Variants in CADM4 observed in about 807,000 individuals in gnomAD.
CADM4 encodes TSLC1-like 2.
Under a neutral mutation model 43.9 loss-of-function variants are expected in CADM4, and 13 were observed. The observed-to-expected ratio is 0.30, with a 90% CI of 0.19 to 0.47. The LOEUF (loss-of-function observed/expected upper bound fraction) is 0.47, where lower values mean the gene tolerates loss of function less well. Among genes scored for constraint, CADM4 ranks in the 20% least tolerant of loss-of-function variants. The probability of loss-of-function intolerance (pLI) is 1.00; values close to 1 mark genes in which losing one functional copy is unlikely to be tolerated. For synonymous variants in CADM4, 209 were observed against 220.9 expected (o/e 0.95, Z 0.48); for missense variants, 420 against 527.0 (o/e 0.80, Z 1.99).
chr19:43,638,824 G>A (rs749046315), intron 1 of CADM4, among the ~76,000 whole-genome samples: 10 of 152,230 alleles, frequency 6.6e-5, no homozygotes, highest in Non-Finnish European at 8.8e-5. Context: ...GCACACAGAT[G>A]TTCCCCTCCA....
rs1973667320 is a variant in CADM4, at chr19:43,634,080, T to C, written c.64+5647A>G. ...CCTAGGTTGATCCCAGCTCAACCAC[T>C]TGCCATCTGTGTGACCTGTGGGCAA... On this transcript the variant is annotated intron_variant, in intron 1 of 8. Transcript: ENST00000222374. Among the ~76,000 whole-genome samples the C allele has an allele frequency of 1.3e-5, 2 of 152,126 alleles. 1 individual carries two copies. Among genetic ancestry groups the C allele is most frequent in the South Asian group, 4.1e-4 (2 of 4,832 alleles).
Position 43,622,850 on chromosome 19 carries a change from TC to T in CADM4, c.*479del, listed in dbSNP as rs1973459814. On this transcript the variant is annotated 3_prime_UTR_variant, in exon 9 of 9. Transcript: ENST00000222374. ...TATTTCCACGCCCTCCCCCCACCCATCCCCCCACCGTGCAAACATGGCTTTG... is the reference window on the plus strand; with the variant it reads ...TATTTCCACGCCCTCCCCCCACCCATCCCCCACCGTGCAAACATGGCTTTG... 2.4e-5 allele frequency: 1 copy of T among 41,972 alleles called. No individual in the cohort carries two copies. The highest frequency in any genetic ancestry group is 9.3e-4 in the South Asian group (1 of 1,076). The allele number at this position is 41,972 out of a possible 1,614,324, so 2.6% of individuals were successfully genotyped here.
intron 1 of CADM4, among the ~76,000 whole-genome samples, chr19:43,628,017 C>T (rs1233279706): frequency 1.3e-5 from 2 of 152,112 alleles, no homozygotes; most frequent in Non-Finnish European, 2.9e-5. Context: ...CTAATGAGGG[C>T]AGCACAGGGC....
Position 43,625,043 on chromosome 19 carries a change from G to T in CADM4, c.928+35C>A, listed in dbSNP as rs750668926. 1 of 186,586 alleles carries T rather than the reference G, an allele frequency of 5.4e-6. No individual in the cohort carries two copies. The highest frequency in any genetic ancestry group is 7.9e-6 in the Non-Finnish European group (1 of 126,648). 11.6% of individuals were successfully genotyped at this position (186,586 alleles called of 1,614,324 possible). ...CCCCGCCCCCGCCACCTGGCGCCCCGCCCCCGCCCTCAGTCGGCCGCAGCC... is the reference window on the plus strand; with the variant it reads ...CCCCGCCCCCGCCACCTGGCGCCCCTCCCCCGCCCTCAGTCGGCCGCAGCC... On this transcript the variant is annotated intron_variant, in intron 7 of 8. Transcript: ENST00000222374. This position sits in a 1 kb window ranked among gnomAD's most constrained non-coding sequence, Gnocchi z 4.5.
rs1475815796 is a variant in CADM4 at position 43,627,509 on chromosome 19, G to T, written c.211+135C>A. The T allele has an allele frequency of 2.4e-6, 3 of 1,234,518 alleles. No homozygotes were observed. Among genetic ancestry groups the T allele is most frequent in the African/African-American group, 3.0e-5 (2 of 65,630 alleles). The allele number at this position is 1,234,518 out of a possible 1,614,324, so 76.5% of individuals were successfully genotyped here. A position where few individuals can be genotyped will look rare whatever the true frequency, so the allele number is the denominator to read the frequency against. ...AGTCCTCCTGCCTGCAGGACCAGCA[G>T]TCCGGGACCCCAGCCCTTTCTTCTC... On this transcript the variant is annotated intron_variant, in intron 2 of 8. Transcript: ENST00000222374. The surrounding 1 kb of genome is among the most constrained non-coding windows in gnomAD (Gnocchi z 4.0).
intron 1 of CADM4, among the ~76,000 whole-genome samples, chr19:43,630,207 C>A (rs1329216269): frequency 6.6e-6 from 1 of 150,552 alleles, no homozygotes; most frequent in African/African-American, 2.4e-5. Context: ...GCCCGGCCTG[C>A]GCTATTATTA....
At position 43,624,961 on chromosome 19, in the gene CADM4, A is replaced by G. The variant is rs1478528059; in HGVS notation, c.928+117T>C. On this transcript the variant is annotated intron_variant, in intron 7 of 8. Coordinates refer to ENST00000222374, the MANE Select transcript of CADM4 (RefSeq NM_145296.2). ...CCCCGCGGGCCAGTCTGGTCCCAAA[A>G]CAAAAAGAACTCTGTTGGCTGCCGA... The G allele has an allele frequency of 5.0e-6, 6 of 1,197,468 alleles. No homozygotes were observed. In the Admixed American group the frequency reaches 1.7e-4, roughly 35 times the overall value. The allele number at this position is 1,197,468 out of a possible 1,614,324, so 74.2% of individuals were successfully genotyped here.
intron 1 of CADM4, among the ~76,000 whole-genome samples, chr19:43,629,950 T>A (rs1445900884): frequency 2.6e-5 from 4 of 151,168 alleles, no homozygotes; most frequent in African/African-American, 9.8e-5. Flanking sequence ...TGAGACAAGG[T>A]CAGGCTGGAG....
chr19:43,641,000 G>T (rs529397764), upstream of CADM4, among the ~76,000 whole-genome samples: 4 of 113,214 alleles, frequency 3.5e-5, no homozygotes, highest in African/African-American at 1.4e-4. Flanking sequence ...ACGGAGTCTC[G>T]CTCTGTTGCC....
chr19:43,624,663 G>C (rs1243393260), intron 7 of CADM4, among the ~76,000 whole-genome samples: 1 of 152,094 alleles, frequency 6.6e-6, no homozygotes, highest in Non-Finnish European at 1.5e-5. Flanking sequence ...CCAAGAAACA[G>C]GTCCAAGTCC....
Position 43,626,166 on chromosome 19 carries a change from A to C in CADM4, c.622T>G (p.Ser208Ala). The change falls in exon 5 of 9, where the codon TCC becomes GCC. Residue 208 changes from serine to alanine, a missense_variant. Ser to Ala is a moderately conservative substitution (Grantham distance 99). Transcript: ENST00000222374. This position sits in a 1 kb window ranked among gnomAD's most constrained non-coding sequence, Gnocchi z 5.9. ...TACTGCGTCTGCTTGCTGTGTCCGG[A>C]GGGCAGCGCCTGGTTCTGCGCCTCA... ...ICEAQNQALP[S>A]GHSKQTQYVL... is the part of the protein sequence containing the mutation. 1 of 1,613,918 alleles carries C rather than the reference A, an allele frequency of 6.2e-7. No individual in the cohort carries two copies. Among genetic ancestry groups the C allele is most frequent in the Non-Finnish European group, 8.5e-7 (1 of 1,179,958 alleles).
At chr19:43,640,051 G>A (rs577780572), upstream of CADM4, among the ~76,000 whole-genome samples, 177 of 151,170 alleles carry the variant, frequency 1.2e-3, 1 homozygote, top group African/African-American at 4.2e-3. Flanking sequence ...GCGGGAGGGC[G>A]ACAGCGGCGT....
chr19:43,625,894 A>C lies in CADM4; in HGVS notation c.755+17T>G, dbSNP rs1291590175. 4 of 1,608,386 alleles carry C rather than the reference A, an allele frequency of 2.5e-6. No individual in the cohort carries two copies. The highest frequency in any genetic ancestry group is 3.4e-6 in the Non-Finnish European group (4 of 1,174,914). On this transcript the variant is annotated intron_variant, in intron 6 of 8. Transcript: ENST00000222374. This position sits in a 1 kb window ranked among gnomAD's most constrained non-coding sequence, Gnocchi z 4.5. ...AGCTTTCTCCTCCTGAGGACGCAGG[A>C]GGCCCCCAGAGCTCACCTGGGGTTC... is the stretch of plus-strand genomic sequence containing the variant.
chr19:43,637,720 C>T (rs1459799020), intron 1 of CADM4, among the ~76,000 whole-genome samples: 1 of 152,162 alleles, frequency 6.6e-6, no homozygotes, highest in East Asian at 1.9e-4. Flanking sequence ...AAGCTATATT[C>T]TGATCCTGAG....
At chr19:43,640,329 G>A (rs1166239576), upstream of CADM4, among the ~76,000 whole-genome samples, 2 of 151,776 alleles carry the variant, frequency 1.3e-5, no homozygotes, top group East Asian at 3.9e-4. Flanking sequence ...GGAAAGGTGA[G>A]TGTGAGAGGC....
At chr19:43,633,465 C>T (rs1238165082) in intron 1 of CADM4, among the ~76,000 whole-genome samples, 1 of 152,144 alleles carries the variant, frequency 6.6e-6, no homozygotes, top group Non-Finnish European at 1.5e-5. Flanking sequence ...TGTTTACTGT[C>T]TGTTTGTCAC....
In CADM4 at chr19:43,623,754, T is replaced by G. The variant is rs1419205374; in HGVS notation, c.1058-315A>C. On this transcript the variant is annotated intron_variant, in intron 8 of 8. Coordinates refer to ENST00000222374, the MANE Select transcript of CADM4 (RefSeq NM_145296.2). The surrounding 1 kb of genome is among the most constrained non-coding windows in gnomAD (Gnocchi z 4.4). ...TGTTTTATTCAAATCCATGCTCTTT[T>G]TTTCCCCTAATTTTTTGTATTTTTA... 6.6e-6 allele frequency among the ~76,000 whole-genome samples: 1 copy of G among 152,196 alleles called. No homozygotes were observed. Among genetic ancestry groups the G allele is most frequent in the Non-Finnish European group, 1.5e-5 (1 of 68,026 alleles).
rs138697097 is a variant in CADM4, at chr19:43,625,231, T to G, written c.775A>C (p.Asn259His). 27 of 1,614,024 alleles carry G rather than the reference T, an allele frequency of 1.7e-5. No homozygotes were observed. In the Middle Eastern group the frequency reaches 6.6e-4, roughly 39 times the overall value. The change falls in exon 7 of 9, where the codon AAC becomes CAC. Residue 259 changes from asparagine to histidine, a missense_variant. Transcript: ENST00000222374. The surrounding 1 kb of genome is among the most constrained non-coding windows in gnomAD (Gnocchi z 4.5). ...GNPRPNQIRW[N>H]RGNESLPERA... ...TCCGGCAAAGACTCATTCCCGCGGTTCCAGCGGATCTGGTTTGGCCTGGGT... is the reference window on the plus strand; with the variant it reads ...TCCGGCAAAGACTCATTCCCGCGGTGCCAGCGGATCTGGTTTGGCCTGGGT...
At chr19:43,636,622 G>C (rs1191809885) in intron 1 of CADM4, among the ~76,000 whole-genome samples, 1 of 152,086 alleles carries the variant, frequency 6.6e-6, no homozygotes, top group Admixed American at 6.5e-5. Flanking sequence ...CTCCCAGAGA[G>C]AGAAAGCTGC....
Sources: allele counts gnomAD v4.1 joint callset (sites outside exome capture counted in the v4.1 genomes callset), GRCh38; gene constraint gnomAD v4.1.1; non-coding constraint Gnocchi (gnomAD v3.1); transcripts MANE v1.5; gene names NCBI Gene and HGNC (gene_info 2026-07-23, HGNC 2026-07-21).